The following CNPY2 variants were observed in gnomAD, a reference collection of about 807,000 sequenced individuals.
CNPY2 encodes protein canopy homolog 2.
Under a neutral mutation model 25.5 loss-of-function variants are expected in CNPY2, and 19 were observed. The observed-to-expected ratio is 0.74, with a 90% CI of 0.52 to 1.09. The LOEUF is 1.09. Ranked by LOEUF, CNPY2 falls within the 50% of genes least tolerant of loss-of-function variation. CNPY2 has a pLI of 0.00. For synonymous variants in CNPY2, 82 were observed against 85.0 expected, an observed-to-expected ratio of 0.96 and a Z score of 0.19; for missense variants, 214 against 233.6, an observed-to-expected ratio of 0.92 and a Z score of 0.55.
rs886916815 is a variant in CNPY2, at chr12:56,311,314, C to T, written c.305G>A (p.Arg102His). ...GCCCACTACACGTACGTAGTTCTTGCGATGGGTGGAAGGATCAATCTGTTC... is the reference window on the plus strand; with the variant it reads ...GCCCACTACACGTACGTAGTTCTTGTGATGGGTGGAAGGATCAATCTGTTC... ...YGEQIDPSTH[R>H]KNYVRVVGRN... Residue 102 changes from arginine (R) to histidine (H), a missense_variant, in exon 4 of 6, where the codon CGC becomes CAC. Transcript: ENST00000273308. The T allele has an allele frequency of 8.7e-6, 14 of 1,614,006 alleles. No homozygotes were observed. The highest frequency in any genetic ancestry group is 6.7e-5 in the African/African-American group (5 of 74,912).
At chr12:56,314,083 A>G (rs1451184992) in intron 3 of CNPY2, among the ~76,000 whole-genome samples, 1 of 151,652 alleles carries the variant, frequency 6.6e-6, no homozygotes, top group Non-Finnish European at 1.5e-5. Flanking sequence ...TTGTATTTTT[A>G]GTAGAGACGG....
chr12:56,310,644 T>A, intron 5 of CNPY2, 49 bp from the exon 6 acceptor site: 1 of 1,593,732 alleles, frequency 6.3e-7, no homozygotes, highest in Non-Finnish European at 8.6e-7. Flanking sequence ...CATACTGATA[T>A]CTGCCAGTAT....
rs1414970477 is a variant in CNPY2, at chr12:56,309,858, C to T, written c.*694G>A. 12 of 700,366 alleles carry T rather than the reference C, an allele frequency of 1.7e-5. No homozygotes were observed. The Admixed American group carries it at 2.0e-4, about 12-fold the overall frequency. The allele number at this position is 700,366 out of a possible 1,614,324, so 43.4% of individuals were successfully genotyped here. On this transcript the variant is annotated 3_prime_UTR_variant, in exon 6 of 6. Coordinates refer to ENST00000273308, the MANE Select transcript of CNPY2 (RefSeq NM_014255.7). ...TTGACAATGGCTAGTGATAGATACA[C>T]TTTATTGTTGCCACTGGCATCAAAT...
At chr12:56,310,685 A>G (rs538828179) in intron 5 of CNPY2, 90 bp from the exon 6 acceptor site, 1 of 1,258,946 alleles carries the variant, frequency 7.9e-7, no homozygotes, top group South Asian at 1.2e-5. Context: ...AGCTGACACA[A>G]ACACACACCA....
chr12:56,313,735 T>C (rs1873790617), intron 3 of CNPY2, among the ~76,000 whole-genome samples: 1 of 150,602 alleles, frequency 6.6e-6, no homozygotes, highest in Non-Finnish European at 1.5e-5. Flanking sequence ...GCCTCCTGAG[T>C]AGCTGGGACT....
chr12:56,312,174 G>A (rs1409405972), intron 3 of CNPY2, among the ~76,000 whole-genome samples: 3 of 151,426 alleles, frequency 2.0e-5, no homozygotes, highest in Admixed American at 1.3e-4. Flanking sequence ...CACCGCGCCC[G>A]GCCTGGTTTT....
At chr12:56,315,542 G>C (rs941142214) in intron 1 of CNPY2, among the ~76,000 whole-genome samples, 1 of 152,218 alleles carries the variant, frequency 6.6e-6, no homozygotes, top group Non-Finnish European at 1.5e-5. Flanking sequence ...ACGGGGCTTT[G>C]TGGCAGCTAC....
rs1186306496 is a variant in CNPY2, at chr12:56,311,364, T to C, written c.255A>G (p.Ile85Met). 7.4e-6 allele frequency: 12 copies of C among 1,614,056 alleles called. No homozygotes were observed. Among genetic ancestry groups the C allele is most frequent in the East Asian group, 2.2e-5 (1 of 44,896 alleles). Residue 85 changes from isoleucine (I) to methionine (M), a missense_variant, in exon 4 of 6, where the codon ATA (isoleucine) becomes ATG (methionine). Transcript: ENST00000273308. Reference protein sequence around the residue: ...EAHLTELLEEICDRMKEYGEQ... With the variant: ...EAHLTELLEEMCDRMKEYGEQ... ...CCCCATACTCCTTCATCCGGTCACA[T>C]ATCTCCTCCAGCAGCTCTGTGAGGT...
intron 3 of CNPY2, 46 bp from the exon 4 acceptor site, chr12:56,311,460 A>G (rs371591624): frequency 1.7e-4 from 271 of 1,549,776 alleles, no homozygotes; most frequent in Middle Eastern, 5.1e-4. Flanking sequence ...ACCTCTGTAC[A>G]TTAGTAATTT....
intron 3 of CNPY2, among the ~76,000 whole-genome samples, chr12:56,313,743 A>G (rs1367969713): frequency 6.6e-6 from 1 of 150,474 alleles, no homozygotes; most frequent in East Asian, 2.0e-4. Context: ...AGTAGCTGGG[A>G]CTACAGGCAC....
chr12:56,315,549 C>G (rs987320665), intron 1 of CNPY2, among the ~76,000 whole-genome samples: 2 of 152,220 alleles, frequency 1.3e-5, no homozygotes, highest in African/African-American at 4.8e-5. Context: ...TTTGTGGCAG[C>G]TACAGGAGGT....
chr12:56,314,731 C>T, intron 3 of CNPY2, 120 bp downstream of exon 3: 11 of 1,550,676 alleles, frequency 7.1e-6, no homozygotes, highest in Non-Finnish European at 9.6e-6. Flanking sequence ...TGAGACAGAG[C>T]CAAATCTTTT....
chr12:56,314,091 C>T (rs756673361), intron 3 of CNPY2, among the ~76,000 whole-genome samples: 5 of 151,958 alleles, frequency 3.3e-5, no homozygotes, highest in African/African-American at 4.8e-5. Flanking sequence ...TTAGTAGAGA[C>T]GGAGTTTCAC....
At chr12:56,313,897 C>T (rs1217595013) in intron 3 of CNPY2, among the ~76,000 whole-genome samples, 4 of 150,656 alleles carry the variant, frequency 2.7e-5, no homozygotes, top group African/African-American at 4.9e-5. Flanking sequence ...TGAGCCACCG[C>T]GCCCGGCCTT....
intron 3 of CNPY2, among the ~76,000 whole-genome samples, chr12:56,313,730 C>G (rs1301610172): frequency 6.6e-6 from 1 of 151,286 alleles, no homozygotes; most frequent in Non-Finnish European, 1.5e-5. Flanking sequence ...TCTCAGCCTC[C>G]TGAGTAGCTG....
intron 4 of CNPY2, 43 bp from the exon 5 acceptor site, chr12:56,311,097 G>C: frequency 1.2e-6 from 2 of 1,607,828 alleles, no homozygotes; most frequent in South Asian, 2.2e-5. Context: ...GGCAATAAGA[G>C]GCCTCTTGCC....
In CNPY2 at chr12:56,310,447, A is replaced by C; in HGVS notation, c.*105T>G. 8.3e-7 allele frequency: 1 copy of C among 1,205,922 alleles called. No individual in the cohort carries two copies. The highest frequency in any genetic ancestry group is 1.2e-6 in the Non-Finnish European group (1 of 823,692). The allele number at this position is 1,205,922 out of a possible 1,614,324, so 74.7% of individuals were successfully genotyped here. ...ACACAGTTTGTACTTTTGGTTTCATATTTTTTCAGTTAATTTCAGTAAAAA... is the reference window on the plus strand; with the variant it reads ...ACACAGTTTGTACTTTTGGTTTCATCTTTTTTCAGTTAATTTCAGTAAAAA... On this transcript the variant is annotated 3_prime_UTR_variant, in exon 6 of 6. Transcript: ENST00000273308.
chr12:56,311,553 T>G (rs1421581401), intron 3 of CNPY2, 139 bp from the exon 4 acceptor site: 1 of 923,282 alleles, frequency 1.1e-6, no homozygotes, highest in African/African-American at 1.6e-5. Context: ...TAGTTTTGTT[T>G]GTTTGTTTGT....
Position 56,311,299 on chromosome 12 carries a change from C to T in CNPY2, c.320G>A (p.Arg107His), listed in dbSNP as rs766973735. 36 of 1,614,050 alleles carry T rather than the reference C, an allele frequency of 2.2e-5. No homozygotes were observed. Among genetic ancestry groups the T allele is most frequent in the East Asian group, 2.2e-5 (1 of 44,892 alleles). The change falls in exon 4 of 6, where the codon CGT becomes CAT. Residue 107 changes from arginine to histidine, a missense_variant. Physicochemically the swap from Arg to His is conservative, Grantham distance 29. Transcript: ENST00000273308. Reference sequence around the variant, plus strand: ...GGATTCTCCATTCCGGCCCACTACACGTACGTAGTTCTTGCGATGGGTGGA... The same window carrying T: ...GGATTCTCCATTCCGGCCCACTACATGTACGTAGTTCTTGCGATGGGTGGA... ...DPSTHRKNYVRVVGRNGESSE... is the reference protein window; with the variant it reads ...DPSTHRKNYVHVVGRNGESSE...
Sources: gnomAD v4.1 joint callset for allele counts (sites outside exome capture counted in the v4.1 genomes callset) on GRCh38, gnomAD v4.1.1 for gene constraint, MANE v1.5 for transcripts, NCBI Gene and HGNC (gene_info 2026-07-23, HGNC 2026-07-21) for gene names.